Variants in EPRS1 observed in about 807,000 individuals in gnomAD.
The protein encoded by EPRS1 is bifunctional glutamate/proline--tRNA ligase.
Under a neutral mutation model 188.3 loss-of-function variants are expected in EPRS1, and 107 were observed. That is an observed-to-expected ratio of 0.57 (90% CI 0.49 to 0.67). EPRS1 has a LOEUF of 0.67. Among genes scored for constraint, EPRS1 ranks in the 30% least tolerant of loss-of-function variants. EPRS1 has a pLI of 0.00. For synonymous variants in EPRS1, 596 were observed against 593.1 expected (o/e 1.00, Z -0.07); for missense variants, 1,577 against 1,802.2 (o/e 0.88, Z 2.26).
intron 18 of EPRS1, among the ~76,000 whole-genome samples, chr1:219,993,483 T>C (rs1459221227): frequency 6.6e-6 from 1 of 152,120 alleles, no homozygotes; most frequent in Non-Finnish European, 1.5e-5. Flanking sequence ...AGTTCTTTCA[T>C]AGAAGCATCT....
At chr1:220,016,664 C>T (rs1223616116) in intron 12 of EPRS1, among the ~76,000 whole-genome samples, 3 of 137,720 alleles carry the variant, frequency 2.2e-5, no homozygotes, top group Non-Finnish European at 3.0e-5. Context: ...GGCGATCCTC[C>T]TACCTTGGCC....
intron 9 of EPRS1, among the ~76,000 whole-genome samples, chr1:220,020,458 C>T (rs1661847968): frequency 6.6e-6 from 1 of 152,008 alleles, no homozygotes; most frequent in Non-Finnish European, 1.5e-5. Flanking sequence ...CAATCTAATA[C>T]AAAATTAGGT....
At chr1:220,045,912 G>A (rs1662392018) in intron 1 of EPRS1, among the ~76,000 whole-genome samples, 1 of 152,194 alleles carries the variant, frequency 6.6e-6, no homozygotes, top group South Asian at 2.1e-4. Flanking sequence ...GGACAGGACA[G>A]GAAAGGAGGT....
At chr1:220,036,774 T>C (rs1413672088) in intron 2 of EPRS1, among the ~76,000 whole-genome samples, 1 of 152,106 alleles carries the variant, frequency 6.6e-6, no homozygotes, top group African/African-American at 2.4e-5. Flanking sequence ...GCAAACCCCA[T>C]GACACAAGTT....
In EPRS1 at chr1:220,033,539, C is replaced by G. The variant is rs761693776; in HGVS notation, c.351G>C (p.Leu117Phe). 6.2e-7 allele frequency: 1 copy of G among 1,612,608 alleles called. No homozygotes were observed. The highest frequency in any genetic ancestry group is 1.1e-5 in the South Asian group (1 of 90,940). ...SLRTYLVGNS[L>F]SLADLCVWAT... ...CCCAAACACATAAATCTGCTAAACT[C>G]AAGGAGTTTCCAACTAAGTATGTTC... The change falls in exon 4 of 32, where the codon TTG (leucine) becomes TTC (phenylalanine). Residue 117 changes from leucine to phenylalanine, a missense_variant. Physicochemically the swap from Leu to Phe is conservative, Grantham distance 22. Transcript: ENST00000366923.
chr1:220,037,974 T>C (rs1289045195), intron 2 of EPRS1, among the ~76,000 whole-genome samples: 1 of 152,138 alleles, frequency 6.6e-6, no homozygotes. Context: ...AAATGACAAT[T>C]ATGGTACAAC....
chr1:219,998,469 T>C (rs1490046946), intron 17 of EPRS1, among the ~76,000 whole-genome samples: 3 of 152,046 alleles, frequency 2.0e-5, no homozygotes, highest in Non-Finnish European at 4.4e-5. Context: ...AATATGCATA[T>C]ATAAATGCAT....
At chr1:220,007,756 T>A (rs1285938797) in intron 13 of EPRS1, among the ~76,000 whole-genome samples, 1 of 152,206 alleles carries the variant, frequency 6.6e-6, no homozygotes, top group Admixed American at 6.5e-5. Flanking sequence ...CTAGAATCTG[T>A]TTCCTATCCT....
At position 220,027,013 on chromosome 1, in the gene EPRS1, C is replaced by T. The variant is rs571617015; in HGVS notation, c.624-1755G>A. ...ATTCAACTTTAAGAAGGGCTTGGGC[C>T]GGGCACAGTGGCTCATGCCTGTAAT... On this transcript the variant is annotated intron_variant, in intron 6 of 31. Coordinates refer to ENST00000366923, the MANE Select transcript of EPRS1 (RefSeq NM_004446.3). Among the ~76,000 whole-genome samples the T allele has an allele frequency of 3.0e-4, 45 of 152,096 alleles. 1 individual carries two copies. The highest frequency in any genetic ancestry group is 1.9e-3 in the Admixed American group (29 of 15,270).
chr1:220,030,326 CT>C, intron 6 of EPRS1, 59 bp downstream of exon 6: 1 of 1,097,798 alleles, frequency 9.1e-7, no homozygotes, highest in Non-Finnish European at 1.4e-6. Flanking sequence ...TATTTAATCA[CT>C]GTTTTAAAGC....
intron 18 of EPRS1, among the ~76,000 whole-genome samples, chr1:219,990,414 T>C (rs1212741497): frequency 6.6e-6 from 1 of 152,170 alleles, no homozygotes; most frequent in African/African-American, 2.4e-5. Flanking sequence ...ATATGAAAAG[T>C]ATCATTATCA....
intron 3 of EPRS1, among the ~76,000 whole-genome samples, chr1:220,034,353 C>A (rs1338903558): frequency 6.6e-6 from 1 of 152,084 alleles, no homozygotes; most frequent in African/African-American, 2.4e-5. Flanking sequence ...AGTAGGCTAT[C>A]CCCTTTAGGT....
chr1:219,984,405 AGATAAC>A, intron 20 of EPRS1, 148 bp from the exon 21 acceptor site: 1 of 658,828 alleles, frequency 1.5e-6, no homozygotes, highest in South Asian at 1.9e-5. Context: ...TTCATTCCCA[AGATAAC>A]GTTGTTGTTT....
Position 219,968,958 on chromosome 1 carries a change from T to C in EPRS1, c.4389-2A>G, listed in dbSNP as rs781074422. 45 of 1,613,902 alleles carry C rather than the reference T, an allele frequency of 2.8e-5. No homozygotes were observed. Among genetic ancestry groups the C allele is most frequent in the Non-Finnish European group, 3.6e-5 (43 of 1,179,788 alleles). On this transcript the variant is annotated splice_acceptor_variant, in intron 31 of 31. Transcript: ENST00000366923. LOFTEE classifies it high-confidence loss of function. Reference sequence around the variant, plus strand: ...GCACCAGGTTCAAGATCTTGATCCCTGAAATTAATAACAAATAAGAATTCC... The same window carrying C: ...GCACCAGGTTCAAGATCTTGATCCCCGAAATTAATAACAAATAAGAATTCC...
chr1:219,970,278 A>G (rs1660639341), intron 30 of EPRS1, among the ~76,000 whole-genome samples: 1 of 152,240 alleles, frequency 6.6e-6, no homozygotes, highest in Non-Finnish European at 1.5e-5. Flanking sequence ...TAATCTCCAC[A>G]TATTAGAAAT....
In EPRS1 at chr1:220,024,306, C is replaced by T. The variant is rs778043236; in HGVS notation, c.901G>A (p.Ala301Thr). The change falls in exon 8 of 32, where the codon GCA becomes ACA. Residue 301 changes from alanine (A) to threonine (T), a missense_variant. Around this residue, in one of 3 missense-constraint regions of EPRS1, gnomAD observed 1,278 missense variants for 1,457.4 expected, o/e 0.88. Coordinates refer to ENST00000366923, the MANE Select transcript of EPRS1 (RefSeq NM_004446.3). Reference protein sequence around the residue: ...VDDTPAEQMKAEREQRIDSKH... With the variant: ...VDDTPAEQMKTEREQRIDSKH... ...GAGTCTATCCTCTGCTCACGTTCTGCTTTCATCTGTTCAGCAGGAGTATCA... is the reference window on the plus strand; with the variant it reads ...GAGTCTATCCTCTGCTCACGTTCTGTTTTCATCTGTTCAGCAGGAGTATCA... The T allele has an allele frequency of 7.4e-6, 12 of 1,610,816 alleles. No homozygotes were observed. Among genetic ancestry groups the T allele is most frequent in the Middle Eastern group, 1.6e-4 (1 of 6,064 alleles).
At chr1:220,036,406 A>G (rs1662181146) in intron 2 of EPRS1, among the ~76,000 whole-genome samples, 1 of 152,158 alleles carries the variant, frequency 6.6e-6, no homozygotes, top group South Asian at 2.1e-4. Flanking sequence ...AGCGCTATTC[A>G]CAATAACAAA....
intron 18 of EPRS1, among the ~76,000 whole-genome samples, chr1:219,991,654 C>T (rs1325335356): frequency 1.3e-5 from 2 of 152,172 alleles, no homozygotes; most frequent in African/African-American, 4.8e-5. Context: ...TAAATACCTA[C>T]ACCTGTAAGG....
At position 220,019,063 on chromosome 1, in the gene EPRS1, G is replaced by A; in HGVS notation, c.1366C>T (p.Pro456Ser). The A allele has an allele frequency of 1.2e-6, 2 of 1,612,284 alleles. No homozygotes were observed. The highest frequency in any genetic ancestry group is 1.7e-6 in the Non-Finnish European group (2 of 1,178,516). Residue 456 changes from proline to serine, a missense_variant, in exon 11 of 32, where the codon CCT becomes TCT. Physicochemically the swap from Pro to Ser is moderately conservative, Grantham distance 74. Coordinates refer to ENST00000366923, the MANE Select transcript of EPRS1 (RefSeq NM_004446.3). ...CTTCTCAGTACACCACGAACCGTAGGAAATCTTGGGTCATCCCTGGAAATA... is the reference window on the plus strand; with the variant it reads ...CTTCTCAGTACACCACGAACCGTAGAAAATCTTGGGTCATCCCTGGAAATA... Reference protein sequence around the residue: ...LVDGWDDPRFPTVRGVLRRGM... With the variant: ...LVDGWDDPRFSTVRGVLRRGM...
Sources: allele counts gnomAD v4.1 joint callset (sites outside exome capture counted in the v4.1 genomes callset), GRCh38; gene constraint gnomAD v4.1.1; regional missense constraint gnomAD v4.1.1; transcripts MANE v1.5; gene names NCBI Gene and HGNC (gene_info 2026-07-23, HGNC 2026-07-21).